OBP2B: variants seen among roughly 807,000 people sequenced by gnomAD.
The protein encoded by OBP2B is odorant binding protein 2B.
OBP2B carries 10 observed loss-of-function variants against 21.7 expected under a neutral mutation model. That is an observed-to-expected ratio of 0.46 (90% CI 0.28 to 0.78). The LOEUF is 0.78. Ranked by LOEUF, OBP2B falls within the 30% of genes least tolerant of loss-of-function variation. OBP2B has a pLI of 0.11. For synonymous variants in OBP2B, 73 were observed against 91.5 expected (o/e 0.80, Z 1.16); for missense variants, 153 against 217.7 (o/e 0.70, Z 1.87).
chr9:133,221,476 T>G, the OBP2B span, among the ~76,000 whole-genome samples: 1 of 152,162 alleles, frequency 6.6e-6, no homozygotes, highest in South Asian at 2.1e-4. Flanking sequence ...CCTAAATTGT[T>G]TGCTGTGGTT....
chr9:133,220,898 G>A, the OBP2B span, among the ~76,000 whole-genome samples: 1 of 152,220 alleles, frequency 6.6e-6, no homozygotes, highest in Non-Finnish European at 1.5e-5. Flanking sequence ...AGAAGTAGAA[G>A]AGGCTGTGCT....
rs782019953 is a variant in OBP2B, at chr9:133,208,105, T to C, written c.277+28A>G. 5.7e-6 allele frequency: 4 copies of C among 707,276 alleles called. No homozygotes were observed. In the African/African-American group the frequency reaches 2.1e-4, roughly 38 times the overall value. The allele number at this position is 707,276 out of a possible 1,614,324, so 43.8% of individuals were successfully genotyped here. Reference sequence around the variant, plus strand: ...CACTGGGGTTGGCGGTGGGGGAGGGTGGGGGTGGGAGTGGGGGAGGGGCTC... The same window carrying C: ...CACTGGGGTTGGCGGTGGGGGAGGGCGGGGGTGGGAGTGGGGGAGGGGCTC... On this transcript the variant is annotated intron_variant, in intron 3 of 6. Coordinates refer to ENST00000372034, the MANE Select transcript of OBP2B (RefSeq NM_014581.4).
At chr9:133,211,907 T>C (rs1262117313), upstream of OBP2B, among the ~76,000 whole-genome samples, 4 of 152,236 alleles carry the variant, frequency 2.6e-5, no homozygotes, top group African/African-American at 9.6e-5. Flanking sequence ...ATGACAGTGA[T>C]TGGCAAAGTG....
At chr9:133,216,418 A>T in the OBP2B span, among the ~76,000 whole-genome samples, 5 of 151,866 alleles carry the variant, frequency 3.3e-5, no homozygotes, top group Non-Finnish European at 1.5e-5. Flanking sequence ...GATCATAGTG[A>T]TCACACTGAA....
chr9:133,213,561 CAAA>C (rs1833941781), upstream of OBP2B, among the ~76,000 whole-genome samples: 1 of 151,742 alleles, frequency 6.6e-6, no homozygotes, highest in African/African-American at 2.4e-5. Flanking sequence ...GACTGACAAA[CAAA>C]AAAAGAAAGA....
intron 6 of OBP2B, 110 bp downstream of exon 6, chr9:133,205,807 G>A: frequency 6.6e-7 from 1 of 1,508,134 alleles, no homozygotes; most frequent in South Asian, 1.1e-5. Flanking sequence ...CTGACCCTGG[G>A]GGGGTCTCCC....
At chr9:133,205,669 G>A in intron 6 of OBP2B, 1 of 620,524 alleles carries the variant, frequency 1.6e-6, no homozygotes. Flanking sequence ...GCCGGAGGGA[G>A]GCCTCGCTGT....
Position 133,208,614 on chromosome 9 carries a change from C to G in OBP2B, c.73-12G>C, listed in dbSNP as rs1248075770. The G allele has an allele frequency of 6.3e-7, 1 of 1,594,944 alleles. No homozygotes were observed. The highest frequency in any genetic ancestry group is 1.3e-5 in the African/African-American group (1 of 74,554). ...CAGGTCCCTGTGATCTGGAGCAGGC[C>G]AAGGCCGTGAGCCCACCATGGGTGG... On this transcript the variant is annotated splice_polypyrimidine_tract_variant and intron_variant, in intron 1 of 6. Coordinates refer to ENST00000372034, the MANE Select transcript of OBP2B (RefSeq NM_014581.4).
chr9:133,216,220 G>T, the OBP2B span, among the ~76,000 whole-genome samples: 12 of 150,698 alleles, frequency 8.0e-5, no homozygotes, highest in Admixed American at 7.9e-4. Context: ...ACTTTATAAA[G>T]AATTTTTCAA....
chr9:133,215,891 A>G, the OBP2B span, among the ~76,000 whole-genome samples: 1 of 152,360 alleles, frequency 6.6e-6, no homozygotes, highest in East Asian at 1.9e-4. Flanking sequence ...ACCACCAAAC[A>G]AAAAGAAGAA....
intron 3 of OBP2B, chr9:133,207,748 GTCCCTAACCCTCAGCCTCCCCA>G: frequency 2.5e-6 from 2 of 808,440 alleles, no homozygotes; most frequent in Non-Finnish European, 3.8e-6. Context: ...CTTGGCCCCC[GTCCCTAACCCTCAGCCTCCCCA>G]TCCTTAACCC....
upstream of OBP2B, among the ~76,000 whole-genome samples, chr9:133,212,913 G>A (rs1393812003): frequency 6.6e-6 from 1 of 151,786 alleles, no homozygotes; most frequent in Non-Finnish European, 1.5e-5. Flanking sequence ...GGGTGACAGA[G>A]CAAGACTCCA....
chr9:133,206,456 C>T (rs782276633), intron 4 of OBP2B, 40 bp from the exon 5 acceptor site: 45 of 1,608,406 alleles, frequency 2.8e-5, no homozygotes, highest in Middle Eastern at 1.7e-4. Context: ...GTGGGGACAG[C>T]GGCACGGCCC....
chr9:133,222,828 C>T, the OBP2B span, among the ~76,000 whole-genome samples: 6,376 of 151,922 alleles, frequency 0.042, 196 homozygotes, highest in African/African-American at 0.089. Flanking sequence ...TGTTGGGGGA[C>T]AGAGTCCTCC....
the OBP2B span, among the ~76,000 whole-genome samples, chr9:133,222,830 G>C: frequency 6.6e-6 from 1 of 151,902 alleles, no homozygotes; most frequent in Admixed American, 6.6e-5. Context: ...TTGGGGGACA[G>C]AGTCCTCCTT....
chr9:133,208,226 G>A, intron 2 of OBP2B, 23 bp from the exon 3 acceptor site: 3 of 1,611,562 alleles, frequency 1.9e-6, no homozygotes, highest in South Asian at 1.1e-5. Context: ...AGACACGCGG[G>A]CAGCGGCTCC....
At chr9:133,219,061 G>A in the OBP2B span, among the ~76,000 whole-genome samples, 1 of 152,198 alleles carries the variant, frequency 6.6e-6, no homozygotes, top group Non-Finnish European at 1.5e-5. Context: ...AAATGGCTCT[G>A]GGACAACTGG....
At chr9:133,206,445 C>G in intron 4 of OBP2B, 29 bp from the exon 5 acceptor site, 2 of 1,611,292 alleles carry the variant, frequency 1.2e-6, no homozygotes, top group African/African-American at 2.7e-5. Context: ...GGTGAGCCGA[C>G]GTGGGGACAG....
chr9:133,208,118 G>T lies in OBP2B; in HGVS notation c.277+15C>A, dbSNP rs782086964. On this transcript the variant is annotated intron_variant, in intron 3 of 6. Transcript: ENST00000372034. ...GGTGGGGGAGGGTGGGGGTGGGAGTGGGGGAGGGGCTCACAGGCGCTGTAT... is the reference window on the plus strand; with the variant it reads ...GGTGGGGGAGGGTGGGGGTGGGAGTTGGGGAGGGGCTCACAGGCGCTGTAT... 3.8e-6 allele frequency: 6 copies of T among 1,583,502 alleles called. No individual in the cohort carries two copies. Among genetic ancestry groups the T allele is most frequent in the Admixed American group, 3.4e-5 (2 of 58,070 alleles).
Sources: gnomAD v4.1 joint callset for allele counts (sites outside exome capture counted in the v4.1 genomes callset) on GRCh38, gnomAD v4.1.1 for gene constraint, MANE v1.5 for transcripts, NCBI Gene and HGNC (gene_info 2026-07-23, HGNC 2026-07-21) for gene names.